Variants in ACOXL observed in about 807,000 individuals in gnomAD.
ACOXL encodes the protein acyl-coenzyme A oxidase-like protein.
In ACOXL, 70 loss-of-function variants were observed where a neutral mutation model predicts 71.9. That is an observed-to-expected ratio of 0.97 (90% CI 0.80 to 1.19). The LOEUF (loss-of-function observed/expected upper bound fraction) is 1.19, where lower values mean the gene tolerates loss of function less well. Ranked by LOEUF, ACOXL falls within the 50% of genes most tolerant of loss-of-function variation. The probability of loss-of-function intolerance (pLI) is 0.00; values close to 1 mark genes in which losing one functional copy is unlikely to be tolerated. For missense variants in ACOXL, 703 were observed against 736.3 expected, an observed-to-expected ratio of 0.95 and a Z score of 0.52; for synonymous variants, 253 against 281.6, an observed-to-expected ratio of 0.90 and a Z score of 1.02.
At chr2:110,962,135 A>T (rs896351874) in intron 12 of ACOXL, among the ~76,000 whole-genome samples, 2 of 152,228 alleles carry the variant, frequency 1.3e-5, no homozygotes, top group African/African-American at 4.8e-5. Flanking sequence ...TGCCTTCTTC[A>T]CAGGGCTGTT....
intron 10 of ACOXL, among the ~76,000 whole-genome samples, chr2:110,853,913 G>GTTTTT (rs35717647): frequency 7.0e-6 from 1 of 142,254 alleles, no homozygotes; most frequent in Non-Finnish European, 1.5e-5. Context: ...TAGGACACTT[G>GTTTTT]TTTTTTTTTT....
At chr2:110,918,186 G>T (rs2059934028) in intron 11 of ACOXL, among the ~76,000 whole-genome samples, 1 of 152,142 alleles carries the variant, frequency 6.6e-6, no homozygotes, top group South Asian at 2.1e-4. Context: ...AACCAAAATA[G>T]CATGGTACTG....
At chr2:111,017,145 A>G (rs2149691813) in intron 14 of ACOXL, among the ~76,000 whole-genome samples, 1 of 152,304 alleles carries the variant, frequency 6.6e-6, no homozygotes, top group African/African-American at 2.4e-5. Context: ...TTCCCCCCTG[A>G]TTAGGGAGCA....
intron 15 of ACOXL, among the ~76,000 whole-genome samples, chr2:111,043,666 A>T (rs897890830): frequency 6.6e-6 from 1 of 152,138 alleles, no homozygotes; most frequent in Non-Finnish European, 1.5e-5. Flanking sequence ...GCTGGTGAGG[A>T]GACGTGGGGC....
chr2:110,868,797 CCCAGG>C, intron 10 of ACOXL, among the ~76,000 whole-genome samples: 1 of 152,262 alleles, frequency 6.6e-6, no homozygotes, highest in South Asian at 2.1e-4. Context: ...CACCATGTTG[CCCAGG>C]CTGGTCATGA....
intron 2 of ACOXL, among the ~76,000 whole-genome samples, chr2:110,778,503 A>T (rs1446256400): frequency 6.6e-6 from 1 of 152,208 alleles, no homozygotes; most frequent in Non-Finnish European, 1.5e-5. Flanking sequence ...ACCATCATGC[A>T]GTGGTTATGG....
At chr2:110,999,053 G>A (rs959536048) in intron 14 of ACOXL, among the ~76,000 whole-genome samples, 13 of 152,130 alleles carry the variant, frequency 8.5e-5, no homozygotes, top group African/African-American at 2.9e-4. Flanking sequence ...GTTAGTTGGG[G>A]CTGCCATGAC....
intron 17 of ACOXL, among the ~76,000 whole-genome samples, chr2:111,095,360 T>C (rs961691379): frequency 2.0e-5 from 3 of 151,716 alleles, no homozygotes; most frequent in Non-Finnish European, 2.9e-5. Flanking sequence ...ATATAAAACA[T>C]TGAAGTGCTT....
chr2:111,033,870 G>A (rs946424357), intron 15 of ACOXL, among the ~76,000 whole-genome samples: 1 of 152,156 alleles, frequency 6.6e-6, no homozygotes, highest in African/African-American at 2.4e-5. Context: ...TGGGACATGA[G>A]GATGGACTAT....
At chr2:110,933,665 C>T (rs2060561393) in intron 12 of ACOXL, 23 bp downstream of exon 12, 1 of 1,595,898 alleles carries the variant, frequency 6.3e-7, no homozygotes, top group Non-Finnish European at 8.5e-7. Flanking sequence ...GCCTGCAGCC[C>T]CCGTGGGTCC....
intron 12 of ACOXL, among the ~76,000 whole-genome samples, chr2:110,950,829 G>GAA (rs1194043699): frequency 6.6e-6 from 1 of 151,772 alleles, no homozygotes. Flanking sequence ...GAGAGAGAGA[G>GAA]AGAGAGGGAA....
At chr2:110,934,107 C>G (rs972715764) in intron 12 of ACOXL, among the ~76,000 whole-genome samples, 2 of 152,188 alleles carry the variant, frequency 1.3e-5, no homozygotes, top group Non-Finnish European at 1.5e-5. Flanking sequence ...GTGAGAAGCA[C>G]AAGGTGTTAG....
chr2:110,860,718 G>C (rs1453524817), intron 10 of ACOXL, among the ~76,000 whole-genome samples: 1 of 152,234 alleles, frequency 6.6e-6, no homozygotes, highest in East Asian at 1.9e-4. Flanking sequence ...CTTCAGTGCA[G>C]AGACCAGGAG....
intron 10 of ACOXL, among the ~76,000 whole-genome samples, chr2:110,880,315 A>G (rs1185154195): frequency 6.6e-6 from 1 of 152,192 alleles, no homozygotes; most frequent in Non-Finnish European, 1.5e-5. Flanking sequence ...CACAGGGAGC[A>G]AGTATCCTTC....
intron 12 of ACOXL, chr2:110,963,862 C>A: frequency 8.4e-7 from 1 of 1,184,980 alleles, no homozygotes; most frequent in Non-Finnish European, 1.1e-6. Context: ...CAGGGGATTA[C>A]GTTATTTCTC....
rs200338206 is a variant in ACOXL at position 110,784,806 on chromosome 2, A to C, written c.150A>C (p.Thr50=). The C allele has an allele frequency of 4.4e-4, 701 of 1,602,636 alleles. No individual in the cohort carries two copies. Among genetic ancestry groups the C allele is most frequent in the Non-Finnish European group, 5.6e-4 (659 of 1,176,252 alleles). ...TCCTCTCCATGGCGGACATGGCCAC[A>C]GGAGTGAAGGTGAGAGGCGCCGGGC... ...GEVLSMADMA[T]GVKCGIIYWL... is the part of the protein sequence containing the mutation. The change falls in exon 3 of 18, where the codon ACA becomes ACC. Residue 50 remains threonine (T), a synonymous_variant. Coordinates refer to ENST00000439055, the MANE Select transcript of ACOXL (RefSeq NM_001142807.4).
At chr2:111,014,865 A>G (rs1334720134) in intron 14 of ACOXL, among the ~76,000 whole-genome samples, 3 of 152,266 alleles carry the variant, frequency 2.0e-5, no homozygotes, top group African/African-American at 7.2e-5. Context: ...AGGAAATTCA[A>G]TGATGAAAAG....
At chr2:110,811,862 C>T (rs1687375525) in intron 9 of ACOXL, among the ~76,000 whole-genome samples, 1 of 151,804 alleles carries the variant, frequency 6.6e-6, no homozygotes, top group South Asian at 2.1e-4. Flanking sequence ...CTGAGTGATC[C>T]TCAGAGAGGC....
rs1016095575 is a variant in ACOXL at position 110,797,016 on chromosome 2, C to G, written c.346-1594C>G. Among the ~76,000 whole-genome samples, 32 of 148,616 alleles carry G rather than the reference C, an allele frequency of 2.2e-4. 2 individuals carry two copies. Among genetic ancestry groups the G allele is most frequent in the Non-Finnish European group, 4.4e-5 (3 of 68,032 alleles). ...AACTCCAATTAAATGTGCAGTTCCA[C>G]TCTCTGCCATTTCTCCTGGGCTCCC... On this transcript the variant is annotated intron_variant, in intron 5 of 17. Coordinates refer to ENST00000439055, the MANE Select transcript of ACOXL (RefSeq NM_001142807.4).
Sources: allele counts gnomAD v4.1 joint callset (sites outside exome capture counted in the v4.1 genomes callset), GRCh38; gene constraint gnomAD v4.1.1; transcripts MANE v1.5; gene names NCBI Gene and HGNC (gene_info 2026-07-23, HGNC 2026-07-21).